NDUFAF6: variants seen among roughly 807,000 people sequenced by gnomAD.
The protein encoded by NDUFAF6 is NADH:ubiquinone oxidoreductase complex assembly factor 6.
NDUFAF6 carries 45 observed loss-of-function variants against 40.8 expected under a neutral mutation model. The observed-to-expected ratio is 1.10, with a 90% CI of 0.87 to 1.42. The LOEUF (loss-of-function observed/expected upper bound fraction) is 1.42, where lower values mean the gene tolerates loss of function less well. Ranked by LOEUF, NDUFAF6 falls within the 40% of genes most tolerant of loss-of-function variation. The pLI, the probability that NDUFAF6 is intolerant of heterozygous loss-of-function variation, is 0.00. For synonymous variants in NDUFAF6, 185 were observed against 155.9 expected (o/e 1.19, Z -1.39); for missense variants, 435 against 418.5 (o/e 1.04, Z -0.34).
At chr8:94,955,298 G>A (rs1210420927), upstream of NDUFAF6, among the ~76,000 whole-genome samples, 1 of 152,180 alleles carries the variant, frequency 6.6e-6, no homozygotes, top group Non-Finnish European at 1.5e-5. Flanking sequence ...CCAAATCCAA[G>A]GTCGACAGAC....
chr8:95,099,367 G>T (rs956338077), upstream of NDUFAF6, among the ~76,000 whole-genome samples: 3 of 150,718 alleles, frequency 2.0e-5, no homozygotes, highest in South Asian at 6.3e-4. Flanking sequence ...AAAAAAAATG[G>T]CCACTCTCAT....
chr8:95,031,762 G>A (rs931160128), intron 1 of NDUFAF6, among the ~76,000 whole-genome samples: 1 of 152,188 alleles, frequency 6.6e-6, no homozygotes, highest in South Asian at 2.1e-4. Context: ...CACCATGCCC[G>A]ACTAATTTTT....
intron 1 of NDUFAF6, among the ~76,000 whole-genome samples, chr8:94,964,669 T>G (rs1192254303): frequency 6.6e-6 from 1 of 151,912 alleles, no homozygotes; most frequent in Non-Finnish European, 1.5e-5. Flanking sequence ...ACAACCAAAT[T>G]TCATGTGCAC....
chr8:94,950,052 G>A (rs1346858590), intron 2 of NDUFAF6: 1 of 152,238 alleles, frequency 6.6e-6, no homozygotes, highest in Non-Finnish European at 1.5e-5. Flanking sequence ...CGAGGCACAA[G>A]GGACTGCGAG....
At chr8:94,896,308 G>C (rs1246824440) in intron 1 of NDUFAF6, 2 of 147,846 alleles carry the variant, frequency 1.4e-5, no homozygotes, top group Non-Finnish European at 3.0e-5. Flanking sequence ...GAGCCCGCGC[G>C]AGCCGGCAGC....
intron 2 of NDUFAF6, among the ~76,000 whole-genome samples, chr8:95,086,383 T>C (rs775573718): frequency 6.6e-6 from 1 of 152,228 alleles, no homozygotes; most frequent in Non-Finnish European, 1.5e-5. Context: ...AGATGCACTT[T>C]GCTATTTTCA....
At position 94,948,217 on chromosome 8, in the gene NDUFAF6, C is replaced by T. The variant is rs572121171; in HGVS notation, c.-799+2598C>T. 3.9e-5 allele frequency among the ~76,000 whole-genome samples: 6 copies of T among 152,260 alleles called. No individual in the cohort carries two copies. In the East Asian group the frequency reaches 1.2e-3, roughly 29 times the overall value. ...GACTCTCCAGGTAAAATTCAGCTGC[C>T]ACTTTGAAATACAAACACCATTTCC... is the stretch of plus-strand genomic sequence containing the variant. On this transcript the variant is annotated intron_variant, in intron 2 of 14. Transcript: ENST00000396113.
chr8:95,092,407 C>T (rs1031916295), intron 2 of NDUFAF6, among the ~76,000 whole-genome samples: 7 of 151,816 alleles, frequency 4.6e-5, no homozygotes, highest in African/African-American at 1.7e-4. Flanking sequence ...GCCTTGAACT[C>T]CTGATCTCAA....
chr8:95,086,794 G>A (rs2132058457), intron 2 of NDUFAF6, among the ~76,000 whole-genome samples: 1 of 151,932 alleles, frequency 6.6e-6, no homozygotes, highest in East Asian at 1.9e-4. Flanking sequence ...TAGTAGAGAC[G>A]GGGTTTCACC....
intron 2 of NDUFAF6, among the ~76,000 whole-genome samples, chr8:94,998,698 G>C (rs1826574498): frequency 1.3e-5 from 2 of 152,196 alleles, no homozygotes; most frequent in Non-Finnish European, 2.9e-5. Context: ...ACAGTGCTAT[G>C]AGTAGGTCAG....
At chr8:95,054,723 C>T (rs796957063) in intron 8 of NDUFAF6, among the ~76,000 whole-genome samples, 1 of 152,230 alleles carries the variant, frequency 6.6e-6, no homozygotes, top group South Asian at 2.1e-4. Flanking sequence ...GCATGAGCCA[C>T]TGTGCCCAGC....
At chr8:94,991,806 CCTT>C (rs1826207646) in intron 2 of NDUFAF6, among the ~76,000 whole-genome samples, 2 of 136,994 alleles carry the variant, frequency 1.5e-5, no homozygotes, top group Non-Finnish European at 3.2e-5. Flanking sequence ...GCCCCCCCCC[CCTT>C]TTTTTTTTTA....
chr8:95,039,451 C>CAA (rs761836243), intron 3 of NDUFAF6, among the ~76,000 whole-genome samples: 2 of 137,502 alleles, frequency 1.5e-5, no homozygotes. Context: ...GACTCTGTCT[C>CAA]AAAAAAAAAA....
intron 1 of NDUFAF6, among the ~76,000 whole-genome samples, chr8:94,944,322 G>A (rs762519875): frequency 6.6e-6 from 1 of 152,218 alleles, no homozygotes; most frequent in African/African-American, 2.4e-5. Context: ...ACTGGCAGCT[G>A]TAAGGCCAAA....
At chr8:94,924,768 A>T (rs569651414) in intron 1 of NDUFAF6, among the ~76,000 whole-genome samples, 7 of 152,204 alleles carry the variant, frequency 4.6e-5, no homozygotes, top group South Asian at 2.1e-4. Context: ...TTTGAGACAG[A>T]GTCTCACTCT....
intron 1 of NDUFAF6, among the ~76,000 whole-genome samples, chr8:94,960,797 G>T (rs747450780): frequency 6.6e-6 from 1 of 152,214 alleles, no homozygotes; most frequent in Non-Finnish European, 1.5e-5. Flanking sequence ...CTGAACGTCT[G>T]TGGTTTCAAT....
intron 4 of NDUFAF6, among the ~76,000 whole-genome samples, chr8:95,042,344 T>G (rs888879989): frequency 1.3e-5 from 2 of 152,210 alleles, no homozygotes; most frequent in African/African-American, 4.8e-5. Flanking sequence ...GTAAGTTTAC[T>G]TAGTTTATTT....
chr8:94,927,794 A>G (rs1185158328), intron 1 of NDUFAF6: 1 of 152,626 alleles, frequency 6.6e-6, no homozygotes, highest in Non-Finnish European at 1.5e-5. Context: ...ACTTTTTCCA[A>G]GTAACATTCT....
At chr8:94,912,136 G>C (rs1330702848) in intron 1 of NDUFAF6, among the ~76,000 whole-genome samples, 3 of 152,096 alleles carry the variant, frequency 2.0e-5, no homozygotes, top group African/African-American at 7.2e-5. Context: ...TTTAACAGTG[G>C]TCTCTATCCT....
Sources: gnomAD v4.1 joint callset for allele counts (sites outside exome capture counted in the v4.1 genomes callset) on GRCh38, gnomAD v4.1.1 for gene constraint, MANE v1.5 for transcripts, NCBI Gene and HGNC (gene_info 2026-07-23, HGNC 2026-07-21) for gene names.